Variants in AK8 observed in about 807,000 individuals in gnomAD.
AK8 encodes adenylate kinase 8, also known as ATP-AMP transphosphorylase 8.
Under a neutral mutation model 54.6 loss-of-function variants are expected in AK8, and 44 were observed. That is an observed-to-expected ratio of 0.81 (90% confidence interval 0.63 to 1.04). The LOEUF (loss-of-function observed/expected upper bound fraction) is 1.04. Ranked by LOEUF, AK8 falls within the 50% of genes least tolerant of loss-of-function variation. The pLI, the probability that AK8 is intolerant of heterozygous loss-of-function variation, is 0.00. For synonymous variants in AK8, 239 were observed against 245.6 expected, an observed-to-expected ratio of 0.97 and a Z score of 0.25; for missense variants, 555 against 613.6, an observed-to-expected ratio of 0.90 and a Z score of 1.01.
At chr9:132,825,869 C>T (rs778078881) in intron 8 of AK8, among the ~76,000 whole-genome samples, 2 of 152,200 alleles carry the variant, frequency 1.3e-5, no homozygotes, top group Non-Finnish European at 1.5e-5. Context: ...ATGTTCCCAT[C>T]GTAAACGCTT....
chr9:132,768,034 T>C (rs1197666826), intron 11 of AK8, among the ~76,000 whole-genome samples: 1 of 152,124 alleles, frequency 6.6e-6, no homozygotes, highest in Non-Finnish European at 1.5e-5. Context: ...CAGTGTTTGA[T>C]AGCACAGTAG....
intron 3 of AK8, among the ~76,000 whole-genome samples, chr9:132,865,063 T>C (rs1398724879): frequency 6.6e-6 from 1 of 152,182 alleles, no homozygotes; most frequent in African/African-American, 2.4e-5. Context: ...TGCAGGGGAC[T>C]CCAGGAACCT....
intron 2 of AK8, 146 bp downstream of exon 2, chr9:132,874,969 G>A: frequency 2.9e-6 from 3 of 1,040,438 alleles, no homozygotes; most frequent in Non-Finnish European, 4.3e-6. Context: ...GACACAGGTA[G>A]GACAGAATGG....
At position 132,827,041 on chromosome 9, in the gene AK8, G is replaced by C. The variant is rs1207452077; in HGVS notation, c.570C>G (p.Thr190=). The stretch of plus-strand genomic sequence containing the variant: ...CAGATTCGGGTGGCCAGTCAAAGGT[G>C]GTGTGATAAATCTCTACAAGGAGAG... ...IDPQTGEIYH[T]TFDWPPESEI... Residue 190 remains threonine, a synonymous_variant, in exon 8 of 13, where the codon ACC becomes ACG. Transcript: ENST00000298545. 8 of 1,614,056 alleles carry C rather than the reference G, an allele frequency of 5.0e-6. No individual in the cohort carries two copies. Among genetic ancestry groups the C allele is most frequent in the East Asian group, 4.5e-5 (2 of 44,896 alleles).
At chr9:132,819,342 C>CAAAA (rs1841476138) in intron 9 of AK8, among the ~76,000 whole-genome samples, 1 of 152,150 alleles carries the variant, frequency 6.6e-6, no homozygotes, top group African/African-American at 2.4e-5. Context: ...TATGCAAATA[C>CAAAA]TACGCCATTT....
At position 132,725,824 on chromosome 9, in the gene AK8, A is replaced by C; in HGVS notation, c.1304T>G (p.Leu435Arg). Residue 435 changes from leucine to arginine, a missense_variant, in exon 13 of 13, where the codon CTG becomes CGG. By Grantham distance (102) the Leu-to-Arg change is moderately radical. Coordinates refer to ENST00000298545, the MANE Select transcript of AK8 (RefSeq NM_152572.3). ...CAAGTCAGCTGAGTTCCTGTAGAAC[A>C]GGTCCATTTTCAGCTTGACCTGCTC... is the stretch of plus-strand genomic sequence containing the variant. Reference protein sequence around the residue: ...AEEQVKLKMDLFYRNSADLEQ... With the variant: ...AEEQVKLKMDRFYRNSADLEQ... 6.2e-7 allele frequency: 1 copy of C among 1,607,946 alleles called. No individual in the cohort carries two copies. Among genetic ancestry groups the C allele is most frequent in the Non-Finnish European group, 8.5e-7 (1 of 1,177,582 alleles).
At position 132,770,299 on chromosome 9, in the gene AK8, G is replaced by A. The variant is rs901558227; in HGVS notation, c.1121+22335C>T. On this transcript the variant is annotated intron_variant, in intron 11 of 12. Transcript: ENST00000298545. The surrounding 1 kb of genome is among the most constrained non-coding windows in gnomAD (Gnocchi z 4.3). ...GCCCGGAGGCCCAGCCCCGCGCCAA[G>A]GGCCACCCCTCGGCGCGCTCAGCTT... 2 of 152,160 alleles carry A rather than the reference G, an allele frequency of 1.3e-5. No homozygotes were observed. The highest frequency in any genetic ancestry group is 4.8e-5 in the African/African-American group (2 of 41,448). 9.4% of individuals were successfully genotyped at this position (152,160 alleles called of 1,614,324 possible).
At chr9:132,798,459 C>T (rs1284607814) in intron 10 of AK8, among the ~76,000 whole-genome samples, 1 of 152,176 alleles carries the variant, frequency 6.6e-6, no homozygotes, top group Non-Finnish European at 1.5e-5. Context: ...TGTCCATTTA[C>T]CCTTTCTCCT....
At chr9:132,815,529 G>C (rs1841287471) in intron 9 of AK8, among the ~76,000 whole-genome samples, 1 of 151,976 alleles carries the variant, frequency 6.6e-6, no homozygotes, top group Non-Finnish European at 1.5e-5. Context: ...CTCCAGTCTG[G>C]GCAACAGAGC....
intron 2 of AK8, among the ~76,000 whole-genome samples, chr9:132,868,766 C>T (rs757636508): frequency 3.9e-5 from 6 of 152,212 alleles, no homozygotes; most frequent in Non-Finnish European, 7.3e-5. Flanking sequence ...CTTGGCCATC[C>T]CCATCTCGTC....
intron 4 of AK8, among the ~76,000 whole-genome samples, chr9:132,859,127 G>A (rs1843287608): frequency 1.3e-5 from 2 of 152,218 alleles, no homozygotes; most frequent in African/African-American, 4.8e-5. Context: ...GAGATGGAGT[G>A]GCCAGAAGTG....
chr9:132,835,959 A>G (rs1260191520), intron 5 of AK8, among the ~76,000 whole-genome samples: 1 of 152,224 alleles, frequency 6.6e-6, no homozygotes, highest in African/African-American at 2.4e-5. Flanking sequence ...CCCCGTCTCT[A>G]CTAAAAATAC....
In AK8 at chr9:132,725,783, A is replaced by G; in HGVS notation, c.1345T>C (p.Ser449Pro). Reference protein sequence around the residue: ...NSADLEQLYGSAITLNGDQDP... With the variant: ...NSADLEQLYGPAITLNGDQDP... Reference sequence around the variant, plus strand: ...TGGTCCCCATTGAGGGTGATGGCCGACCCATACAACTGCTCCAAGTCAGCT... The same window carrying G: ...TGGTCCCCATTGAGGGTGATGGCCGGCCCATACAACTGCTCCAAGTCAGCT... The change falls in exon 13 of 13, where the codon TCG (serine) becomes CCG (proline). Residue 449 changes from serine to proline, a missense_variant. Coordinates refer to ENST00000298545, the MANE Select transcript of AK8 (RefSeq NM_152572.3). 1.2e-6 allele frequency: 2 copies of G among 1,602,746 alleles called. No individual in the cohort carries two copies. The highest frequency in any genetic ancestry group is 1.7e-6 in the Non-Finnish European group (2 of 1,174,936).
At chr9:132,785,643 A>T (rs917941090) in intron 11 of AK8, among the ~76,000 whole-genome samples, 3 of 152,268 alleles carry the variant, frequency 2.0e-5, no homozygotes, top group African/African-American at 4.8e-5. Flanking sequence ...ATAAAGTAAG[A>T]AAAGCAAAAA....
intron 11 of AK8, among the ~76,000 whole-genome samples, chr9:132,739,440 TCAAAAAAAAAAAAAA>T (rs1837264847): frequency 3.2e-5 from 1 of 31,694 alleles, no homozygotes; most frequent in South Asian, 1.6e-3. Flanking sequence ...TGACTCTGTC[TCAAAAAAAAAAAAAA>T]AAAAAAAAAA....
intron 8 of AK8, among the ~76,000 whole-genome samples, chr9:132,825,088 C>T (rs192917918): frequency 1.2e-4 from 18 of 152,242 alleles, no homozygotes; most frequent in Middle Eastern, 3.4e-3. Flanking sequence ...TCCATAATCC[C>T]GTGCATCTGA....
At chr9:132,814,278 CAAAAAAAAAAAAA>C (rs71376658) in intron 10 of AK8, among the ~76,000 whole-genome samples, 10 of 63,886 alleles carry the variant, frequency 1.6e-4, no homozygotes, top group Non-Finnish European at 1.4e-4. Context: ...TACCCTGTCT[CAAAAAAAAAAAAA>C]AAAAAAAAAA....
At chr9:132,802,631 G>C (rs215174) in intron 10 of AK8, among the ~76,000 whole-genome samples, 42,766 of 152,016 alleles carry the variant, frequency 0.28, 6,134 homozygotes, top group East Asian at 0.49. Flanking sequence ...ACCGGGCATG[G>C]CGATGAAGAA....
chr9:132,727,393 T>C (rs1836626042), intron 12 of AK8, 61 bp downstream of exon 12: 1 of 1,480,932 alleles, frequency 6.8e-7, no homozygotes, highest in African/African-American at 1.4e-5. Flanking sequence ...CATTGGTCAG[T>C]CAGTTGGGTC....
Sources: allele counts gnomAD v4.1 joint callset (sites outside exome capture counted in the v4.1 genomes callset), GRCh38; gene constraint gnomAD v4.1.1; non-coding constraint Gnocchi (gnomAD v3.1); transcripts MANE v1.5; gene names NCBI Gene and HGNC (gene_info 2026-07-23, HGNC 2026-07-21).